Variants in NCAM2 observed in about 807,000 individuals in gnomAD.
NCAM2 encodes N-CAM-2.
A neutral mutation model predicts 98.1 loss-of-function variants in NCAM2; 30 were observed. That is an observed-to-expected ratio of 0.31 (90% CI 0.23 to 0.41). NCAM2 has a LOEUF of 0.41. Ranked by LOEUF, NCAM2 falls within the 10% of genes least tolerant of loss-of-function variation. The pLI is 1.00. For missense variants in NCAM2, 867 were observed against 1,005.8 expected, an observed-to-expected ratio of 0.86 and a Z score of 1.87; for synonymous variants, 368 against 342.4, an observed-to-expected ratio of 1.07 and a Z score of -0.83.
chr21:21,516,395 C>G (rs1221025186), intron 16 of NCAM2, among the ~76,000 whole-genome samples: 1 of 151,340 alleles, frequency 6.6e-6, no homozygotes, highest in African/African-American at 2.4e-5. Flanking sequence ...TTTTTCAATT[C>G]TAAGGCAGAA....
chr21:21,274,488 A>G (rs1054408146), intron 1 of NCAM2, among the ~76,000 whole-genome samples: 1 of 152,236 alleles, frequency 6.6e-6, no homozygotes, highest in African/African-American at 2.4e-5. Context: ...CAAATAACAC[A>G]CATAGGCTGT....
At chr21:21,243,660 T>C (rs547926022) in intron 1 of NCAM2, among the ~76,000 whole-genome samples, 1 of 152,262 alleles carries the variant, frequency 6.6e-6, no homozygotes, top group South Asian at 2.1e-4. Flanking sequence ...AACCTGAGAC[T>C]ATTCCTCTAA....
At chr21:21,113,007 T>G (rs957255872) in intron 1 of NCAM2, among the ~76,000 whole-genome samples, 2 of 152,182 alleles carry the variant, frequency 1.3e-5, no homozygotes, top group Non-Finnish European at 2.9e-5. Context: ...AACTTCGTCT[T>G]TTCCAGGTGT....
chr21:21,035,547 G>A (rs1332632244), intron 1 of NCAM2, among the ~76,000 whole-genome samples: 1 of 152,042 alleles, frequency 6.6e-6, no homozygotes, highest in Non-Finnish European at 1.5e-5. Context: ...TCCTTCATTA[G>A]TTTAGTGCTG....
intron 1 of NCAM2, chr21:21,223,806 A>G (rs1214938141): frequency 6.6e-6 from 1 of 152,212 alleles, no homozygotes; most frequent in African/African-American, 2.4e-5. Context: ...ATCTCAAAAC[A>G]CTGCCAAACT....
intron 1 of NCAM2, among the ~76,000 whole-genome samples, chr21:21,017,588 G>A (rs7280548): frequency 0.012 from 1,864 of 151,968 alleles, 31 homozygotes; most frequent in African/African-American, 0.042. Flanking sequence ...TGCATGCCTC[G>A]ACCAAAGTGA....
chr21:21,093,791 T>C (rs1338854337), intron 1 of NCAM2, among the ~76,000 whole-genome samples: 5 of 152,066 alleles, frequency 3.3e-5, no homozygotes, highest in African/African-American at 1.2e-4. Context: ...AGCATCTTTC[T>C]CTTTGTTACT....
intron 1 of NCAM2, among the ~76,000 whole-genome samples, chr21:21,236,155 A>G (rs1227807410): frequency 7.5e-6 from 1 of 133,800 alleles, no homozygotes; most frequent in East Asian, 2.1e-4. Flanking sequence ...TTCCCTGATT[A>G]TCCAAGCAAA....
chr21:21,364,243 C>T (rs2075727911), intron 8 of NCAM2, among the ~76,000 whole-genome samples: 1 of 151,416 alleles, frequency 6.6e-6, no homozygotes, highest in Non-Finnish European at 1.5e-5. Context: ...AAAATATTTC[C>T]AATAAATATA....
intron 1 of NCAM2, among the ~76,000 whole-genome samples, chr21:21,005,684 G>T (rs2064097735): frequency 6.6e-6 from 1 of 152,008 alleles, no homozygotes; most frequent in Middle Eastern, 3.4e-3. Flanking sequence ...TCAGAAGTAT[G>T]TAGGTAAAAT....
At chr21:21,002,237 C>T (rs190567994) in intron 1 of NCAM2, among the ~76,000 whole-genome samples, 54 of 152,150 alleles carry the variant, frequency 3.5e-4, no homozygotes, top group African/African-American at 8.7e-4. Flanking sequence ...AATGCAGAAT[C>T]GGAGCCCATA....
In NCAM2 at chr21:21,504,131, C is replaced by T. The variant is rs76164358; in HGVS notation, c.2078-4720C>T. Among the ~76,000 whole-genome samples the T allele has an allele frequency of 3.1e-3, 472 of 151,862 alleles. 5 individuals are homozygous for T. Among genetic ancestry groups the T allele is most frequent in the East Asian group, 0.023 (120 of 5,174 alleles). ...ATTTTATCCATATCTTTTCATTACTCGTTGGTGAATATCCAAGATAAAATG... is the reference window on the plus strand; with the variant it reads ...ATTTTATCCATATCTTTTCATTACTTGTTGGTGAATATCCAAGATAAAATG... On this transcript the variant is annotated intron_variant, in intron 15 of 17. Coordinates refer to ENST00000400546, the MANE Select transcript of NCAM2 (RefSeq NM_004540.5).
At chr21:21,231,543 C>G (rs894391880) in intron 1 of NCAM2, among the ~76,000 whole-genome samples, 1 of 151,226 alleles carries the variant, frequency 6.6e-6, no homozygotes, top group Non-Finnish European at 1.5e-5. Context: ...ATGTATTAAA[C>G]TATGTTTCAA....
intron 1 of NCAM2, among the ~76,000 whole-genome samples, chr21:21,098,423 A>C (rs1477407111): frequency 6.6e-6 from 1 of 151,836 alleles, no homozygotes; most frequent in Non-Finnish European, 1.5e-5. Context: ...GAATCTTCAG[A>C]GAATCACTTT....
chr21:21,161,050 A>G (rs908601417), intron 1 of NCAM2, among the ~76,000 whole-genome samples: 17 of 152,014 alleles, frequency 1.1e-4, no homozygotes, highest in Admixed American at 1.0e-3. Context: ...CTATTAATGT[A>G]TGTTTAGGTT....
chr21:21,274,448 T>C (rs2072645551), intron 1 of NCAM2, among the ~76,000 whole-genome samples: 2 of 152,294 alleles, frequency 1.3e-5, no homozygotes, highest in South Asian at 4.1e-4. Flanking sequence ...ATTTCTGAAA[T>C]TGTTTGAATA....
chr21:21,475,533 A>G (rs1985055733), intron 14 of NCAM2, among the ~76,000 whole-genome samples: 1 of 152,166 alleles, frequency 6.6e-6, no homozygotes, highest in Admixed American at 6.6e-5. Context: ...AGCTGCCCTA[A>G]GCATTTCAAA....
At chr21:21,419,714 T>G (rs2077072066) in intron 11 of NCAM2, among the ~76,000 whole-genome samples, 1 of 152,026 alleles carries the variant, frequency 6.6e-6, no homozygotes, top group Admixed American at 6.6e-5. Flanking sequence ...GGCTGCATAG[T>G]ATTCCATGGT....
At chr21:21,487,622 C>A (rs1486884800) in intron 15 of NCAM2, among the ~76,000 whole-genome samples, 1 of 152,094 alleles carries the variant, frequency 6.6e-6, no homozygotes, top group Non-Finnish European at 1.5e-5. Flanking sequence ...TTGCCATTAT[C>A]TGCATGTGGA....
Sources: allele counts gnomAD v4.1 joint callset (sites outside exome capture counted in the v4.1 genomes callset), GRCh38; gene constraint gnomAD v4.1.1; transcripts MANE v1.5; gene names NCBI Gene and HGNC (gene_info 2026-07-23, HGNC 2026-07-21).